Variants in GALM observed in about 807,000 individuals in gnomAD.
GALM encodes the protein galactose mutarotase.
In GALM, 43 loss-of-function variants were observed where a neutral mutation model predicts 37.4. The observed-to-expected ratio is 1.15, with a 90% CI of 0.90 to 1.48. GALM has a LOEUF of 1.48. Ranked by LOEUF, GALM falls within the 40% of genes most tolerant of loss-of-function variation. The pLI is 0.00. For missense variants in GALM, 456 were observed against 419.1 expected (o/e 1.09, Z -0.77); for synonymous variants, 199 against 170.6 (o/e 1.17, Z -1.30).
Position 38,692,896 on chromosome 2 carries a change from G to A in GALM, c.634+3002G>A, listed in dbSNP as rs137872427. 8.9e-3 allele frequency among the ~76,000 whole-genome samples: 1,352 copies of A among 152,274 alleles called. 20 individuals are homozygous for A. Among genetic ancestry groups the A allele is most frequent in the African/African-American group, 0.031 (1,287 of 41,540 alleles). On this transcript the variant is annotated intron_variant, in intron 4 of 6. Transcript: ENST00000272252. ...AGCGTGGGCGGTGCAAGAAATAGCA[G>A]GACTAGCCCAGGGAAGTGCTGTGCT...
intron 1 of GALM, among the ~76,000 whole-genome samples, chr2:38,672,610 C>T: frequency 6.6e-6 from 1 of 152,200 alleles, no homozygotes; most frequent in East Asian, 1.9e-4. Flanking sequence ...TCTGCCACTA[C>T]TTAGCTGTGT....
chr2:38,676,153 C>A, intron 2 of GALM, 87 bp downstream of exon 2: 2 of 1,347,516 alleles, frequency 1.5e-6, no homozygotes, highest in Non-Finnish European at 2.1e-6. Context: ...GGCCCTAGAG[C>A]ACATGAGTGG....
At position 38,689,925 on chromosome 2, in the gene GALM, G is replaced by A. The variant is rs140047320; in HGVS notation, c.634+31G>A. 93 of 1,344,836 alleles carry A rather than the reference G, an allele frequency of 6.9e-5. No individual in the cohort carries two copies. The African/African-American group carries it at 1.3e-3, about 19-fold the overall frequency. 83.3% of individuals were successfully genotyped at this position (1,344,836 alleles called of 1,614,324 possible). A position where few individuals can be genotyped will look rare whatever the true frequency, so the allele number is the denominator to read the frequency against. On this transcript the variant is annotated intron_variant, in intron 4 of 6. Transcript: ENST00000272252. Reference sequence around the variant, plus strand: ...TGAATTTAACCTTTTTGTGTTATGTGGGATCATGGATTGGCTCTCGAGGCC... The same window carrying A: ...TGAATTTAACCTTTTTGTGTTATGTAGGATCATGGATTGGCTCTCGAGGCC...
At chr2:38,714,209 T>G (rs1666224374) in intron 4 of GALM, among the ~76,000 whole-genome samples, 1 of 152,008 alleles carries the variant, frequency 6.6e-6, no homozygotes, top group Admixed American at 6.6e-5. Flanking sequence ...TGGGGTTTTT[T>G]TTGCGGGGGG....
chr2:38,673,658 A>T (rs556112494), intron 1 of GALM, among the ~76,000 whole-genome samples: 1 of 152,184 alleles, frequency 6.6e-6, no homozygotes, highest in East Asian at 1.9e-4. Flanking sequence ...AAAATACAAA[A>T]AATAAGCCGG....
chr2:38,678,778 G>A (rs1428301820), intron 2 of GALM, among the ~76,000 whole-genome samples: 1 of 152,152 alleles, frequency 6.6e-6, no homozygotes, highest in Non-Finnish European at 1.5e-5. Context: ...ACGTCTGTGA[G>A]AGCAAAGTGG....
intron 3 of GALM, among the ~76,000 whole-genome samples, chr2:38,683,207 A>C (rs184064313): frequency 1.5e-3 from 221 of 152,302 alleles, no homozygotes; most frequent in African/African-American, 4.9e-3. Flanking sequence ...TGGGAATGTT[A>C]GGTTTACTAA....
chr2:38,690,300 C>T (rs1479411460), intron 4 of GALM, among the ~76,000 whole-genome samples: 1 of 151,268 alleles, frequency 6.6e-6, no homozygotes, highest in African/African-American at 2.4e-5. Flanking sequence ...GGTGAGACCC[C>T]GTCTTATTTT....
intron 4 of GALM, among the ~76,000 whole-genome samples, chr2:38,690,932 A>C (rs1357933198): frequency 6.6e-6 from 1 of 152,224 alleles, no homozygotes; most frequent in Non-Finnish European, 1.5e-5. Flanking sequence ...AATTTTTGGC[A>C]TCACAGTTTT....
chr2:38,698,521 A>T (rs1665856064), intron 4 of GALM: 1 of 641,214 alleles, frequency 1.6e-6, no homozygotes, highest in Non-Finnish European at 2.3e-6. Context: ...CTTAAAAAAA[A>T]AAAAAGGAAA....
Position 38,675,947 on chromosome 2 carries a change from A to G in GALM, c.226A>G (p.Ile76Val). 1.2e-6 allele frequency: 2 copies of G among 1,614,006 alleles called. No homozygotes were observed. Among genetic ancestry groups the G allele is most frequent in the Non-Finnish European group, 1.7e-6 (2 of 1,179,996 alleles). The change falls in exon 2 of 7, where the codon ATT (isoleucine) becomes GTT (valine). Residue 76 changes from isoleucine (I) to valine (V), a missense_variant. Physicochemically the swap from Ile to Val is conservative, Grantham distance 29. Transcript: ENST00000272252. Reference protein sequence around the residue: ...LQKQPYFGAVIGRVANRIAKG... With the variant: ...LQKQPYFGAVVGRVANRIAKG... ...AAAGCAGCCATACTTTGGAGCAGTT[A>G]TTGGGAGGGTGGCCAACCGAATCGC...
intron 4 of GALM, among the ~76,000 whole-genome samples, chr2:38,712,069 T>C (rs533187142): frequency 6.6e-6 from 1 of 152,306 alleles, no homozygotes; most frequent in East Asian, 1.9e-4. Context: ...TTTTGTTTCA[T>C]TGTTGACTAA....
At chr2:38,686,929 A>G (rs914352100) in intron 3 of GALM, among the ~76,000 whole-genome samples, 6 of 152,134 alleles carry the variant, frequency 3.9e-5, no homozygotes, top group African/African-American at 1.4e-4. Context: ...GTGCACAGGA[A>G]GTATGGAGGT....
chr2:38,675,821 G>T, intron 1 of GALM, 91 bp from the exon 2 acceptor site: 1 of 1,195,234 alleles, frequency 8.4e-7, no homozygotes, highest in Non-Finnish European at 1.2e-6. Context: ...CGCCTGCCTC[G>T]GCCTCCCATA....
At chr2:38,673,433 GAAGAA>G (rs1293031588) in intron 1 of GALM, among the ~76,000 whole-genome samples, 1 of 152,156 alleles carries the variant, frequency 6.6e-6, no homozygotes, top group Non-Finnish European at 1.5e-5. Context: ...AATTTAAAGA[GAAGAA>G]AAGTACCATA....
chr2:38,715,218 T>G (rs544684150), intron 4 of GALM, among the ~76,000 whole-genome samples: 2 of 152,234 alleles, frequency 1.3e-5, no homozygotes, highest in Admixed American at 6.5e-5. Flanking sequence ...GTGGAATATC[T>G]TTTTTCATCC....
At chr2:38,707,098 G>A (rs1277277021) in intron 4 of GALM, among the ~76,000 whole-genome samples, 1 of 150,414 alleles carries the variant, frequency 6.6e-6, no homozygotes, top group Non-Finnish European at 1.5e-5. Context: ...GTGAGTAGGG[G>A]AGGAGGGGGA....
At chr2:38,684,818 AAAAC>A (rs767068085) in intron 3 of GALM, among the ~76,000 whole-genome samples, 3 of 151,574 alleles carry the variant, frequency 2.0e-5, no homozygotes, top group African/African-American at 4.9e-5. Flanking sequence ...ATAAACAATA[AAAAC>A]AAACAAACAA....
chr2:38,693,952 C>G (rs1205891184), intron 4 of GALM, among the ~76,000 whole-genome samples: 1 of 152,036 alleles, frequency 6.6e-6, no homozygotes, highest in Non-Finnish European at 1.5e-5. Flanking sequence ...TTTGGGAGAC[C>G]AAAGATTGGT....
Sources: gnomAD v4.1 joint callset for allele counts (sites outside exome capture counted in the v4.1 genomes callset) on GRCh38, gnomAD v4.1.1 for gene constraint, MANE v1.5 for transcripts, NCBI Gene and HGNC (gene_info 2026-07-23, HGNC 2026-07-21) for gene names.